SV2C: variants seen among roughly 807,000 people sequenced by gnomAD.
SV2C encodes the protein solute carrier family 22 member B3.
A neutral mutation model predicts 79.7 loss-of-function variants in SV2C; 49 were observed. The ratio of observed to expected loss-of-function variants is 0.61; its 90% CI spans 0.49 to 0.78. The LOEUF (loss-of-function observed/expected upper bound fraction) is 0.78, where lower values mean the gene tolerates loss of function less well. Ranked by LOEUF, SV2C falls within the 30% of genes least tolerant of loss-of-function variation. SV2C has a pLI of 0.00. For missense variants in SV2C, 833 were observed against 912.9 expected, an observed-to-expected ratio of 0.91 and a Z score of 1.13; for synonymous variants, 334 against 333.2, an observed-to-expected ratio of 1.00 and a Z score of -0.03.
intron 2 of SV2C, among the ~76,000 whole-genome samples, chr5:76,150,626 CTTTTTTTT>C (rs57910684): frequency 1.1e-4 from 6 of 56,492 alleles, no homozygotes; most frequent in East Asian, 6.5e-4. Flanking sequence ...TCATCAAATT[CTTTTTTTT>C]TTTTTTTTTT....
intron 4 of SV2C, among the ~76,000 whole-genome samples, chr5:76,221,828 C>T (rs1040526079): frequency 6.6e-6 from 1 of 152,050 alleles, no homozygotes; most frequent in Non-Finnish European, 1.5e-5. Flanking sequence ...ATCCTGGAGA[C>T]CTTGACATAC....
At chr5:76,034,383 G>A in the SV2C span, among the ~76,000 whole-genome samples, 3 of 152,142 alleles carry the variant, frequency 2.0e-5, no homozygotes, top group African/African-American at 7.2e-5. Flanking sequence ...TTGGCTGTGG[G>A]TTTGTCATAG....
At chr5:76,344,568 G>T (rs901793503) in intron 12 of SV2C, among the ~76,000 whole-genome samples, 1 of 152,122 alleles carries the variant, frequency 6.6e-6, no homozygotes, top group South Asian at 2.1e-4. Flanking sequence ...AAATTGCTGG[G>T]CGTGGTGGTG....
chr5:76,177,511 A>G (rs1053574027), intron 2 of SV2C, among the ~76,000 whole-genome samples: 1 of 152,316 alleles, frequency 6.6e-6, no homozygotes. Context: ...ACAATATACT[A>G]TAATAAAAGT....
chr5:76,283,038 G>GC (rs1420015815), intron 4 of SV2C, among the ~76,000 whole-genome samples: 2 of 151,214 alleles, frequency 1.3e-5, no homozygotes, highest in Admixed American at 1.3e-4. Flanking sequence ...AACAAGTCTG[G>GC]GCGCGGTGGC....
At chr5:76,201,911 G>A (rs370472209) in intron 3 of SV2C, among the ~76,000 whole-genome samples, 4 of 151,666 alleles carry the variant, frequency 2.6e-5, no homozygotes, top group South Asian at 2.1e-4. Flanking sequence ...CCAGCCACTC[G>A]GGAGGCTGAG....
At chr5:76,191,939 G>A (rs909098834) in intron 2 of SV2C, among the ~76,000 whole-genome samples, 2 of 152,200 alleles carry the variant, frequency 1.3e-5, no homozygotes, top group Admixed American at 6.5e-5. Context: ...TGAATGGAAA[G>A]TCAGCTTCTA....
intron 4 of SV2C, among the ~76,000 whole-genome samples, chr5:76,238,624 G>A (rs1745691463): frequency 6.6e-6 from 1 of 152,182 alleles, no homozygotes; most frequent in Non-Finnish European, 1.5e-5. Flanking sequence ...GAGGGTGAGG[G>A]TGTGTCACAG....
At chr5:75,921,623 T>C in the SV2C span, 2 of 941,004 alleles carry the variant, frequency 2.1e-6, no homozygotes, top group African/African-American at 1.6e-5. Context: ...CTCCCCCTTC[T>C]TGATGTTTTT....
chr5:76,188,806 G>A (rs1230280701), intron 2 of SV2C, among the ~76,000 whole-genome samples: 3 of 151,856 alleles, frequency 2.0e-5, no homozygotes, highest in Non-Finnish European at 2.9e-5. Flanking sequence ...GGGGGGCAGG[G>A]ACAGCTGGAG....
the SV2C span, among the ~76,000 whole-genome samples, chr5:75,993,799 C>T: frequency 1.3e-5 from 2 of 151,970 alleles, no homozygotes; most frequent in East Asian, 1.9e-4. Context: ...CAGCTTTTCA[C>T]GTGATGTCAT....
chr5:75,910,535 A>G, the SV2C span: 1 of 642,796 alleles, frequency 1.6e-6, no homozygotes, highest in Non-Finnish European at 2.8e-6. Flanking sequence ...GCTTTGTTCA[A>G]ATTGTTCACC....
At chr5:76,067,553 A>T in the SV2C span, among the ~76,000 whole-genome samples, 1 of 152,078 alleles carries the variant, frequency 6.6e-6, no homozygotes, top group East Asian at 1.9e-4. Flanking sequence ...TAATTTTATA[A>T]TAACTCTTTA....
At chr5:76,306,720 C>T (rs777637703) in intron 12 of SV2C, among the ~76,000 whole-genome samples, 15 of 152,090 alleles carry the variant, frequency 9.9e-5, no homozygotes, top group Non-Finnish European at 1.5e-4. Context: ...GGGGTTGAAA[C>T]AGAAATGAAT....
intron 12 of SV2C, among the ~76,000 whole-genome samples, chr5:76,304,157 G>T (rs566156894): frequency 6.6e-6 from 1 of 152,272 alleles, no homozygotes; most frequent in East Asian, 1.9e-4. Flanking sequence ...TTCTCACCGC[G>T]GTCACGCTGT....
chr5:76,017,133 A>G, the SV2C span, among the ~76,000 whole-genome samples: 4 of 152,150 alleles, frequency 2.6e-5, no homozygotes, highest in African/African-American at 9.7e-5. Flanking sequence ...CCATGGCTCC[A>G]CTCAAGACTT....
intron 2 of SV2C, among the ~76,000 whole-genome samples, chr5:76,163,531 T>C (rs1742958511): frequency 6.6e-6 from 1 of 152,150 alleles, no homozygotes; most frequent in Non-Finnish European, 1.5e-5. Context: ...TCACACCAGC[T>C]AGTTTATAAC....
At chr5:76,055,803 G>C in the SV2C span, among the ~76,000 whole-genome samples, 2 of 152,186 alleles carry the variant, frequency 1.3e-5, no homozygotes, top group African/African-American at 4.8e-5. Flanking sequence ...CTGCTTGCCT[G>C]TTGTTGGTGA....
chr5:76,104,820 C>A (rs1194744898), intron 1 of SV2C, among the ~76,000 whole-genome samples: 1 of 152,178 alleles, frequency 6.6e-6, no homozygotes, highest in Non-Finnish European at 1.5e-5. Flanking sequence ...CTTTCTCATT[C>A]TCTTTTCATG....
Sources: gnomAD v4.1 joint callset for allele counts (sites outside exome capture counted in the v4.1 genomes callset) on GRCh38, gnomAD v4.1.1 for gene constraint, MANE v1.5 for transcripts, NCBI Gene and HGNC (gene_info 2026-07-23, HGNC 2026-07-21) for gene names.